MAGI2: variants seen among roughly 807,000 people sequenced by gnomAD.
MAGI2 encodes membrane-associated guanylate kinase, WW and PDZ domain-containing protein 2.
MAGI2 carries 35 observed loss-of-function variants against 133.3 expected under a neutral mutation model. The observed-to-expected ratio is 0.26, with a 90% CI of 0.20 to 0.35. MAGI2 has a LOEUF of 0.35. Ranked by LOEUF, MAGI2 falls within the 10% of genes least tolerant of loss-of-function variation. The probability of loss-of-function intolerance (pLI) is 1.00; values close to 1 mark genes in which losing one functional copy is unlikely to be tolerated. For synonymous variants in MAGI2, 729 were observed against 710.6 expected (o/e 1.03, Z -0.41); for missense variants, 1,636 against 1,863.4 (o/e 0.88, Z 2.25).
intron 2 of MAGI2, among the ~76,000 whole-genome samples, chr7:78,983,786 C>T (rs1252258638): frequency 1.3e-5 from 2 of 150,938 alleles, no homozygotes; most frequent in Non-Finnish European, 2.9e-5. Context: ...CCCTTTGCAA[C>T]TCTCCATCTA....
intron 2 of MAGI2, among the ~76,000 whole-genome samples, chr7:78,714,013 C>A (rs575027326): frequency 7.2e-6 from 1 of 139,314 alleles, no homozygotes; most frequent in East Asian, 2.1e-4. Flanking sequence ...TTTTTTTCCA[C>A]TGAGAATAGT....
chr7:78,914,564 C>G (rs1264136501), intron 2 of MAGI2, among the ~76,000 whole-genome samples: 2 of 152,070 alleles, frequency 1.3e-5, no homozygotes, highest in Non-Finnish European at 2.9e-5. Flanking sequence ...TTGCATTTCA[C>G]AGAAGGAACA....
chr7:78,301,980 C>T (rs1797870054), intron 9 of MAGI2, among the ~76,000 whole-genome samples: 2 of 152,146 alleles, frequency 1.3e-5, no homozygotes, highest in Admixed American at 6.5e-5. Flanking sequence ...ACTAAATGAT[C>T]TAATGCACGT....
intron 20 of MAGI2, among the ~76,000 whole-genome samples, chr7:78,083,476 G>T (rs1816279409): frequency 6.6e-6 from 1 of 150,566 alleles, no homozygotes; most frequent in Non-Finnish European, 1.5e-5. Context: ...AGGTAATTCA[G>T]GAGTCTCTGT....
At chr7:78,736,062 T>C (rs1405610095) in intron 2 of MAGI2, among the ~76,000 whole-genome samples, 3 of 152,194 alleles carry the variant, frequency 2.0e-5, no homozygotes, top group African/African-American at 4.8e-5. Context: ...TGAAATATTA[T>C]ACGAATTCAT....
chr7:78,474,533 G>A (rs1791548647), intron 6 of MAGI2, among the ~76,000 whole-genome samples: 1 of 151,946 alleles, frequency 6.6e-6, no homozygotes, highest in Non-Finnish European at 1.5e-5. Context: ...CAAAGCAAAA[G>A]GCAGTACACT....
chr7:78,142,453 C>T (rs3807701), intron 16 of MAGI2, among the ~76,000 whole-genome samples: 11,995 of 152,092 alleles, frequency 0.079, 644 homozygotes, highest in East Asian at 0.19. Flanking sequence ...ATTTTCCACT[C>T]CCCTGTACAT....
chr7:79,063,690 G>A (rs989306945), intron 1 of MAGI2, among the ~76,000 whole-genome samples: 3 of 151,854 alleles, frequency 2.0e-5, no homozygotes, highest in Non-Finnish European at 2.9e-5. Flanking sequence ...ATTTCCTTTA[G>A]GATATTACCA....
intron 6 of MAGI2, among the ~76,000 whole-genome samples, chr7:78,413,491 A>G (rs1230645861): frequency 6.6e-6 from 1 of 152,062 alleles, no homozygotes; most frequent in Admixed American, 6.6e-5. Flanking sequence ...AGCTCTGCAT[A>G]TATTAACATT....
chr7:78,449,190 C>T (rs1196552784), intron 6 of MAGI2, among the ~76,000 whole-genome samples: 2 of 151,866 alleles, frequency 1.3e-5, no homozygotes, highest in Admixed American at 1.3e-4. Context: ...ATGTGTAGGC[C>T]CCTGAGCACC....
intron 1 of MAGI2, among the ~76,000 whole-genome samples, chr7:79,135,999 GAAAGAGAAAGAAAGAAAGAAAGAAA>G (rs1821403515): frequency 3.5e-5 from 1 of 28,888 alleles, no homozygotes; most frequent in South Asian, 1.3e-3. Flanking sequence ...AAGAAAGAAA[GAAAGAGAAAGAAAGAAAGAAAGAAA>G]GAAGGAAAGA....
intron 9 of MAGI2, among the ~76,000 whole-genome samples, chr7:78,283,292 C>T (rs775502098): frequency 4.6e-5 from 7 of 152,080 alleles, no homozygotes; most frequent in Non-Finnish European, 8.8e-5. Context: ...TAAAGAATTT[C>T]GGATGAAGTA....
At chr7:79,090,737 A>C (rs751559354) in intron 1 of MAGI2, among the ~76,000 whole-genome samples, 3 of 152,202 alleles carry the variant, frequency 2.0e-5, no homozygotes, top group Non-Finnish European at 4.4e-5. Context: ...GCCTTCTGTC[A>C]CAGAAATAAA....
chr7:79,066,276 C>T (rs1814315122), intron 1 of MAGI2, among the ~76,000 whole-genome samples: 1 of 149,016 alleles, frequency 6.7e-6, no homozygotes, highest in Non-Finnish European at 1.5e-5. Context: ...GATGATATCT[C>T]AGTGTGGTGT....
At chr7:78,297,986 T>TTAAAAA (rs1554333148) in intron 9 of MAGI2, among the ~76,000 whole-genome samples, 173 of 148,262 alleles carry the variant, frequency 1.2e-3, no homozygotes, top group African/African-American at 4.1e-3. Context: ...AAAGTATAAT[T>TTAAAAA]AAAAAAAAAG....
At chr7:79,238,267 A>T (rs1832087156) in intron 1 of MAGI2, among the ~76,000 whole-genome samples, 2 of 151,892 alleles carry the variant, frequency 1.3e-5, no homozygotes, top group Non-Finnish European at 2.9e-5. Flanking sequence ...TGTTTCCAGA[A>T]TTATTTTCTG....
intron 2 of MAGI2, among the ~76,000 whole-genome samples, chr7:78,892,296 C>G (rs1185050531): frequency 6.6e-6 from 1 of 152,086 alleles, no homozygotes; most frequent in Non-Finnish European, 1.5e-5. Context: ...TGAAAATGGC[C>G]ATACTGCCCA....
chr7:78,221,091 T>C (rs1107562), intron 10 of MAGI2, among the ~76,000 whole-genome samples: 19 of 152,022 alleles, frequency 1.2e-4, no homozygotes, highest in African/African-American at 4.4e-4. Flanking sequence ...GTCATGAATT[T>C]CCTCCTGAGC....
intron 2 of MAGI2, among the ~76,000 whole-genome samples, chr7:78,784,648 G>C (rs551052610): frequency 6.6e-6 from 1 of 152,270 alleles, no homozygotes; most frequent in South Asian, 2.1e-4. Flanking sequence ...GCTTTGCTGG[G>C]TTTCTCCACT....
Sources: allele counts gnomAD v4.1 joint callset (sites outside exome capture counted in the v4.1 genomes callset), GRCh38; gene constraint gnomAD v4.1.1; transcripts MANE v1.5; gene names NCBI Gene and HGNC (gene_info 2026-07-23, HGNC 2026-07-21).